EYS: variants seen among roughly 807,000 people sequenced by gnomAD.
EYS encodes the protein EGF-like photoreceptor maintenance factor.
Under a neutral mutation model 282.1 loss-of-function variants are expected in EYS, and 250 were observed. The observed-to-expected ratio is 0.89, with a 90% CI of 0.80 to 0.98. The LOEUF (loss-of-function observed/expected upper bound fraction) is 0.98. Ranked by LOEUF, EYS falls within the 50% of genes least tolerant of loss-of-function variation. The pLI is 0.00. For synonymous variants in EYS, 1,355 were observed against 1,282.9 expected (o/e 1.06, Z -1.20); for missense variants, 4,016 against 3,709.0 (o/e 1.08, Z -2.15).
At chr6:65,498,816 G>A (rs1177725963) in intron 2 of EYS, among the ~76,000 whole-genome samples, 1 of 151,974 alleles carries the variant, frequency 6.6e-6, no homozygotes, top group Non-Finnish European at 1.5e-5. Flanking sequence ...ATGATGTTAT[G>A]TGTCTCAGTT....
chr6:65,559,819 A>T (rs1398829677), intron 2 of EYS, among the ~76,000 whole-genome samples: 4 of 152,000 alleles, frequency 2.6e-5, no homozygotes, highest in African/African-American at 9.7e-5. Flanking sequence ...ACTGAAAATT[A>T]CTTTATAGCT....
intron 33 of EYS, among the ~76,000 whole-genome samples, chr6:64,049,575 G>T (rs1277391978): frequency 2.0e-5 from 3 of 152,168 alleles, no homozygotes; most frequent in Non-Finnish European, 4.4e-5. Flanking sequence ...AAGCCCAGAT[G>T]AGTGGTCTCT....
intron 12 of EYS, among the ~76,000 whole-genome samples, chr6:65,257,939 G>T (rs1767514839): frequency 6.6e-6 from 1 of 151,830 alleles, no homozygotes; most frequent in Non-Finnish European, 1.5e-5. Flanking sequence ...AGCATGATCA[G>T]GTGACTGTAG....
chr6:63,962,535 A>G (rs562538932), intron 35 of EYS, among the ~76,000 whole-genome samples: 43 of 152,346 alleles, frequency 2.8e-4, no homozygotes, highest in Non-Finnish European at 5.0e-4. Flanking sequence ...GCCATCGGAG[A>G]AATGCAAATC....
Position 65,499,299 on chromosome 6 carries a change from A to G in EYS, c.-332-3306T>C, listed in dbSNP as rs562021219. 3.9e-5 allele frequency among the ~76,000 whole-genome samples: 6 copies of G among 152,176 alleles called. No individual in the cohort carries two copies. The East Asian group carries it at 1.2e-3, about 29-fold the overall frequency. On this transcript the variant is annotated intron_variant, in intron 2 of 42. Transcript: ENST00000503581. ...TAAGTTTTATATAAGCCAAAAAATA[A>G]TTTGAATAGAACATGCTCATTATAA...
chr6:65,433,013 T>C (rs978091516), intron 5 of EYS, among the ~76,000 whole-genome samples: 2 of 152,172 alleles, frequency 1.3e-5, no homozygotes, highest in African/African-American at 2.4e-5. Context: ...TATCACGTGT[T>C]TGTTTTGTGC....
intron 26 of EYS, among the ~76,000 whole-genome samples, chr6:64,566,012 C>T (rs1213721382): frequency 6.7e-6 from 1 of 148,906 alleles, no homozygotes; most frequent in Non-Finnish European, 1.5e-5. Context: ...ATATATATAA[C>T]TGTGTGTGTG....
chr6:64,453,066 A>G (rs1775419376), intron 26 of EYS, among the ~76,000 whole-genome samples: 1 of 152,208 alleles, frequency 6.6e-6, no homozygotes, highest in African/African-American at 2.4e-5. Flanking sequence ...ATCAGAGTGA[A>G]CAGGCAACCT....
At chr6:64,328,943 A>G (rs2150389175) in intron 29 of EYS, among the ~76,000 whole-genome samples, 1 of 152,320 alleles carries the variant, frequency 6.6e-6, no homozygotes, top group South Asian at 2.1e-4. Flanking sequence ...GCCCACAAAG[A>G]GAAAAGGATA....
chr6:65,439,933 G>T (rs1327339683), intron 5 of EYS, among the ~76,000 whole-genome samples: 1 of 152,018 alleles, frequency 6.6e-6, no homozygotes, highest in Non-Finnish European at 1.5e-5. Flanking sequence ...ATGGCCAGAT[G>T]AAACCAAAGA....
intron 12 of EYS, among the ~76,000 whole-genome samples, chr6:65,166,687 C>T (rs1329077525): frequency 6.6e-6 from 1 of 150,972 alleles, no homozygotes; most frequent in South Asian, 2.1e-4. Context: ...ATAACAAAAT[C>T]ATAAGTGACA....
chr6:63,926,757 C>T (rs1462347274), intron 35 of EYS, among the ~76,000 whole-genome samples: 1 of 152,128 alleles, frequency 6.6e-6, no homozygotes, highest in African/African-American at 2.4e-5. Context: ...TATAATGCTT[C>T]CAGAAGTTCT....
At chr6:65,023,005 T>C (rs1386870950) in intron 13 of EYS, among the ~76,000 whole-genome samples, 1 of 152,028 alleles carries the variant, frequency 6.6e-6, no homozygotes, top group Non-Finnish European at 1.5e-5. Context: ...AGAAAGAAAG[T>C]TGATCAGTAG....
At chr6:64,921,337 CAT>C (rs1390943262) in intron 15 of EYS, among the ~76,000 whole-genome samples, 2 of 152,016 alleles carry the variant, frequency 1.3e-5, no homozygotes, top group African/African-American at 2.4e-5. Context: ...AATTATAGAA[CAT>C]GTCCTTCCTT....
chr6:64,812,989 G>T (rs533657209), intron 22 of EYS, among the ~76,000 whole-genome samples: 8 of 152,094 alleles, frequency 5.3e-5, no homozygotes, highest in Admixed American at 3.3e-4. Flanking sequence ...GATCTCAGGA[G>T]ATAGGCATAG....
Position 63,721,430 on chromosome 6 carries a change from A to G in EYS, c.8601T>C (p.Gly2867=), listed in dbSNP as rs1330916683. 1.3e-6 allele frequency: 2 copies of G among 1,551,668 alleles called. No individual in the cohort carries two copies. The highest frequency in any genetic ancestry group is 1.4e-5 in the African/African-American group (1 of 73,178). ...ELQLTEFGAK[G]GSNVGDCDGT... ...CATCACAGTCACCTACATTTGAGCC[A>G]CCTTTTGCTCCAAATTCAGTTAATT... The change falls in exon 43 of 43, where the codon GGT becomes GGC. Residue 2867 remains glycine (G), a synonymous_variant. Coordinates refer to ENST00000503581, the MANE Select transcript of EYS (RefSeq NM_001142800.2).
chr6:65,586,905 G>A (rs923343540), intron 2 of EYS, among the ~76,000 whole-genome samples: 1 of 151,854 alleles, frequency 6.6e-6, no homozygotes, highest in African/African-American at 2.4e-5. Context: ...ATTTCAGTAC[G>A]ATTTTTTTTC....
intron 31 of EYS, among the ~76,000 whole-genome samples, chr6:64,153,721 G>T (rs1774819549): frequency 6.6e-6 from 1 of 152,194 alleles, no homozygotes; most frequent in African/African-American, 2.4e-5. Context: ...AAGCTACTAT[G>T]AAGAGCAATT....
chr6:65,085,038 A>T (rs1211483511), intron 12 of EYS, among the ~76,000 whole-genome samples: 1 of 152,134 alleles, frequency 6.6e-6, no homozygotes, highest in African/African-American at 2.4e-5. Context: ...TTAGAAAAAA[A>T]CTGATTTTTA....
Sources: allele counts gnomAD v4.1 joint callset (sites outside exome capture counted in the v4.1 genomes callset), GRCh38; gene constraint gnomAD v4.1.1; transcripts MANE v1.5; gene names NCBI Gene and HGNC (gene_info 2026-07-23, HGNC 2026-07-21).